Variants in DIAPH2 observed in about 807,000 individuals in gnomAD.
The protein encoded by DIAPH2 is protein diaphanous homolog 2.
Under a neutral mutation model 92.7 loss-of-function variants are expected in DIAPH2, and 35 were observed. The observed-to-expected ratio is 0.38, with a 90% confidence interval of 0.29 to 0.50. The LOEUF is 0.50. DIAPH2 is among the 20% of genes least tolerant of loss of function. The pLI is 0.94. For missense variants in DIAPH2, 701 were observed against 819.5 expected (o/e 0.86, Z 1.77); for synonymous variants, 301 against 280.4 (o/e 1.07, Z -0.73).
chrX:97,472,696 T>C (rs1248165812), intron 26 of DIAPH2, among the ~76,000 whole-genome samples: 2 of 112,414 alleles, frequency 1.8e-5, no homozygotes, highest in African/African-American at 3.2e-5. Flanking sequence ...TATCTTATCC[T>C]GTATTATAAT....
rs143805840 is a variant in DIAPH2 at position 97,455,425 on chromosome X, G to A, written c.3241+25680G>A. On this transcript the variant is annotated intron_variant, in intron 26 of 26. Transcript: ENST00000324765. ...TTTCCTCAAATGTGATGTTTCTACC[G>A]TTTGATGTTGCCTTTGTTCGTTGAC... Among the ~76,000 whole-genome samples the A allele has an allele frequency of 7.3e-4, 82 of 111,925 alleles. No homozygotes were observed. The East Asian group carries it at 0.015, about 20-fold the overall frequency.
intron 1 of DIAPH2, among the ~76,000 whole-genome samples, chrX:96,712,740 T>G (rs1325315328): frequency 9.0e-6 from 1 of 111,633 alleles, no homozygotes; most frequent in Non-Finnish European, 1.9e-5. Context: ...GAATAATACC[T>G]GTAGTCCATC....
intron 17 of DIAPH2, among the ~76,000 whole-genome samples, chrX:97,021,005 A>G (rs1021280598): frequency 1.8e-5 from 2 of 111,473 alleles, no homozygotes; most frequent in African/African-American, 6.5e-5. Context: ...AAATATTATT[A>G]TATATAAGGA....
intron 5 of DIAPH2, among the ~76,000 whole-genome samples, chrX:96,911,517 G>A (rs1164109086): frequency 9.0e-6 from 1 of 111,155 alleles, no homozygotes; most frequent in Non-Finnish European, 1.9e-5. Context: ...TCTCCTCACA[G>A]TTCCTGGAAC....
chrX:96,697,396 A>G (rs1569368400), intron 1 of DIAPH2, among the ~76,000 whole-genome samples: 2 of 110,163 alleles, frequency 1.8e-5, no homozygotes, highest in African/African-American at 6.6e-5. Flanking sequence ...CTGTAATCCC[A>G]GCACTTTGGG....
chrX:96,893,753 A>G (rs970482443), intron 5 of DIAPH2, among the ~76,000 whole-genome samples: 4 of 112,138 alleles, frequency 3.6e-5, no homozygotes, highest in Non-Finnish European at 7.5e-5. Context: ...TCTCAGCTGG[A>G]CTTTTGATAG....
At chrX:97,476,739 C>T (rs1484650469) in intron 26 of DIAPH2, among the ~76,000 whole-genome samples, 1 of 105,378 alleles carries the variant, frequency 9.5e-6, no homozygotes, top group African/African-American at 3.5e-5. Flanking sequence ...GTAGGGAGTT[C>T]GAGACCAACC....
intron 16 of DIAPH2, among the ~76,000 whole-genome samples, chrX:96,960,394 T>C (rs2065839686): frequency 9.0e-6 from 1 of 111,374 alleles, no homozygotes; most frequent in African/African-American, 3.3e-5. Context: ...CTTTTTATTT[T>C]TTTTTCCAGC....
chrX:96,786,295 A>G (rs771322365), intron 4 of DIAPH2, among the ~76,000 whole-genome samples: 1 of 111,495 alleles, frequency 9.0e-6, no homozygotes, highest in Admixed American at 9.5e-5. Flanking sequence ...ACCTGTGAAG[A>G]TGTTACTATC....
chrX:97,563,964 A>G (rs778262052), intron 26 of DIAPH2, among the ~76,000 whole-genome samples: 1 of 112,152 alleles, frequency 8.9e-6, no homozygotes, highest in Admixed American at 9.4e-5. Flanking sequence ...GGTCCTCCAG[A>G]CAGGATGAAT....
At chrX:97,449,862 C>T (rs2070344229) in intron 26 of DIAPH2, among the ~76,000 whole-genome samples, 1 of 111,515 alleles carries the variant, frequency 9.0e-6, no homozygotes, top group Admixed American at 9.6e-5. Flanking sequence ...GTATGTCTTA[C>T]ATTCTACTCA....
chrX:97,281,947 G>A (rs1160528320), intron 23 of DIAPH2, among the ~76,000 whole-genome samples: 6 of 110,769 alleles, frequency 5.4e-5, no homozygotes, highest in African/African-American at 2.0e-4. Context: ...TTACTGAAAA[G>A]GCTGGGCTTT....
chrX:97,029,868 C>G, intron 17 of DIAPH2, among the ~76,000 whole-genome samples: 1 of 111,289 alleles, frequency 9.0e-6, no homozygotes, highest in Non-Finnish European at 1.9e-5. Context: ...TTGAAATTGG[C>G]AGGTGTGTGT....
intron 23 of DIAPH2, among the ~76,000 whole-genome samples, chrX:97,291,757 C>T (rs1178716066): frequency 5.4e-5 from 6 of 110,717 alleles, no homozygotes; most frequent in East Asian, 5.8e-4. Context: ...AGGCTGGTCT[C>T]GAACGCATGA....
At chrX:97,115,617 A>G (rs2067011506) in intron 21 of DIAPH2, among the ~76,000 whole-genome samples, 1 of 111,939 alleles carries the variant, frequency 8.9e-6, no homozygotes, top group South Asian at 3.7e-4. Context: ...AAAGTATCTG[A>G]CAAGCTAAAT....
chrX:97,446,514 G>A (rs73632887), intron 26 of DIAPH2, among the ~76,000 whole-genome samples: 1,471 of 111,653 alleles, frequency 0.013, 29 homozygotes, highest in African/African-American at 0.045. Context: ...ATAATTTAAA[G>A]CACTTTCCTT....
At position 97,477,000 on chromosome X, in the gene DIAPH2, C is replaced by T. The variant is rs1320638316; in HGVS notation, c.3241+47255C>T. The stretch of plus-strand genomic sequence containing the variant: ...ATATATATATACACACACACACACA[C>T]ACACACACACACACACACACACACA... On this transcript the variant is annotated intron_variant, in intron 26 of 26. Coordinates refer to ENST00000324765, the MANE Select transcript of DIAPH2 (RefSeq NM_006729.5). 7.5e-3 allele frequency among the ~76,000 whole-genome samples: 669 copies of T among 89,457 alleles called. 24 individuals carry two copies. Among genetic ancestry groups the T allele is most frequent in the African/African-American group, 0.028 (629 of 22,656 alleles). The allele number at this position is 89,457 out of a possible 115,157, so 77.7% of individuals were successfully genotyped here.
intron 17 of DIAPH2, among the ~76,000 whole-genome samples, chrX:96,973,227 G>C (rs371183576): frequency 8.9e-6 from 1 of 112,179 alleles, no homozygotes; most frequent in Non-Finnish European, 1.9e-5. Flanking sequence ...GCTGAGCGTC[G>C]TGACTCATGC....
At chrX:97,314,977 A>G (rs1264323787) in intron 23 of DIAPH2, among the ~76,000 whole-genome samples, 1 of 112,039 alleles carries the variant, frequency 8.9e-6, no homozygotes, top group Non-Finnish European at 1.9e-5. Flanking sequence ...CCTGGGCAAC[A>G]TGGTAAAACA....
Sources: gnomAD v4.1 joint callset for allele counts (sites outside exome capture counted in the v4.1 genomes callset) on GRCh38, gnomAD v4.1.1 for gene constraint, MANE v1.5 for transcripts, NCBI Gene and HGNC (gene_info 2026-07-23, HGNC 2026-07-21) for gene names.